Variants in WDR17 observed in about 807,000 individuals in gnomAD.
The protein encoded by WDR17 is WD repeat domain 17.
Under a neutral mutation model 161.7 loss-of-function variants are expected in WDR17, and 143 were observed. The observed-to-expected ratio is 0.88, with a 90% CI of 0.77 to 1.02. WDR17 has a LOEUF of 1.02. Ranked by LOEUF, WDR17 falls within the 50% of genes least tolerant of loss-of-function variation. The pLI is 0.00. For missense variants in WDR17, 1,469 were observed against 1,520.9 expected, an observed-to-expected ratio of 0.97 and a Z score of 0.57; for synonymous variants, 517 against 515.6, an observed-to-expected ratio of 1.00 and a Z score of -0.04.
chr4:176,115,243 G>T (rs1740413674), intron 2 of WDR17, among the ~76,000 whole-genome samples: 2 of 151,622 alleles, frequency 1.3e-5, no homozygotes, highest in African/African-American at 4.8e-5. Context: ...ACTTACAAAA[G>T]AAATAAGAAA....
At chr4:176,109,553 G>A (rs1480603136) in intron 1 of WDR17, among the ~76,000 whole-genome samples, 1 of 152,128 alleles carries the variant, frequency 6.6e-6, no homozygotes, top group African/African-American at 2.4e-5. Context: ...GATGAAGACA[G>A]AAAGAATTGG....
In WDR17 at chr4:176,137,621, AT is replaced by A; in HGVS notation, c.1359+13del. The A allele has an allele frequency of 6.6e-7, 1 of 1,507,072 alleles. No individual in the cohort carries two copies. Among genetic ancestry groups the A allele is most frequent in the Non-Finnish European group, 9.1e-7 (1 of 1,093,604 alleles). 93.4% of individuals were successfully genotyped at this position (1,507,072 alleles called of 1,614,324 possible). On this transcript the variant is annotated intron_variant, in intron 9 of 28. Coordinates refer to ENST00000508596, the MANE Select transcript of WDR17 (RefSeq NM_181265.4). ...ACAACGATTTAATGAGGTAAGATTT[AT>A]TTATTGCTACTGAATAATATAATGT...
intron 21 of WDR17, 52 bp downstream of exon 21, chr4:176,162,226 A>T: frequency 6.5e-7 from 1 of 1,527,726 alleles, no homozygotes; most frequent in Non-Finnish European, 9.0e-7. Context: ...TAGATATGTC[A>T]TGGTGTTTGA....
At position 176,120,085 on chromosome 4, in the gene WDR17, A is replaced by G; in HGVS notation, c.526A>G (p.Ile176Val). The change falls in exon 4 of 29, where the codon ATT becomes GTT. Residue 176 changes from isoleucine (I) to valine (V), a missense_variant. Ile to Val is a conservative substitution (Grantham distance 29). Coordinates refer to ENST00000508596, the MANE Select transcript of WDR17 (RefSeq NM_181265.4). ...VFGHIDGSLS[I>V]FHPGNKNQKH... Reference sequence around the variant, plus strand: ...TGGTCATATTGATGGAAGTCTATCAATTTTTCATCCAGGTAAGAATTTAAT... The same window carrying G: ...TGGTCATATTGATGGAAGTCTATCAGTTTTTCATCCAGGTAAGAATTTAAT... 1.9e-6 allele frequency: 3 copies of G among 1,612,998 alleles called. No individual in the cohort carries two copies. The highest frequency in any genetic ancestry group is 2.2e-5 in the East Asian group (1 of 44,844).
intron 7 of WDR17, among the ~76,000 whole-genome samples, chr4:176,133,158 GA>G (rs1301174958): frequency 7.7e-4 from 85 of 110,668 alleles, no homozygotes; most frequent in Admixed American, 5.1e-3. Context: ...ACCATTCGAA[GA>G]AAAAAAAAAC....
chr4:176,113,795 T>A (rs1222255228), intron 2 of WDR17, among the ~76,000 whole-genome samples: 1 of 152,040 alleles, frequency 6.6e-6, no homozygotes, highest in Non-Finnish European at 1.5e-5. Context: ...TTGTATTATA[T>A]TTTTCTGAAT....
intron 17 of WDR17, among the ~76,000 whole-genome samples, chr4:176,155,716 A>AATATATATATATATAT (rs113370958): frequency 0.024 from 3,126 of 129,946 alleles, 129 homozygotes; most frequent in African/African-American, 0.072. Flanking sequence ...GACTAATTAA[A>AATATATATATATATAT]ATATATATAT....
chr4:176,128,699 A>G, intron 5 of WDR17, 39 bp from the exon 6 acceptor site: 2 of 1,581,134 alleles, frequency 1.3e-6, no homozygotes, highest in Non-Finnish European at 1.7e-6. Flanking sequence ...AGTTTCATAC[A>G]AAACTTGTTA....
intron 21 of WDR17, 123 bp downstream of exon 21, chr4:176,162,297 G>A: frequency 2.9e-6 from 2 of 698,848 alleles, no homozygotes; most frequent in African/African-American, 1.8e-5. Flanking sequence ...CGAAGCCTGA[G>A]TAATTAAGTA....
At position 176,135,492 on chromosome 4, in the gene WDR17, C is replaced by G. The variant is rs28540340; in HGVS notation, c.1267+216C>G. ...TCCTGGTTTCCTCTATATAACAAGT[C>G]ATGTAGAAAAACCACAGTAAATCAG... On this transcript the variant is annotated intron_variant, in intron 8 of 28. Coordinates refer to ENST00000508596, the MANE Select transcript of WDR17 (RefSeq NM_181265.4). Among the ~76,000 whole-genome samples the G allele has an allele frequency of 8.6e-3, 1,300 of 151,626 alleles. 29 individuals are homozygous for G. The highest frequency in any genetic ancestry group is 0.029 in the African/African-American group (1,204 of 41,476).
At chr4:176,093,938 A>G (rs1736457915) in intron 1 of WDR17, among the ~76,000 whole-genome samples, 1 of 152,228 alleles carries the variant, frequency 6.6e-6, no homozygotes, top group Non-Finnish European at 1.5e-5. Flanking sequence ...AATATAATAA[A>G]TAGTGCTCAT....
intron 6 of WDR17, among the ~76,000 whole-genome samples, chr4:176,130,021 A>C (rs530636222): frequency 6.6e-6 from 1 of 152,320 alleles, no homozygotes; most frequent in East Asian, 1.9e-4. Context: ...CAGAAAATAC[A>C]AAGAATAACA....
chr4:176,116,091 T>C, intron 3 of WDR17, 112 bp downstream of exon 3: 1 of 1,061,614 alleles, frequency 9.4e-7, no homozygotes, highest in Non-Finnish European at 1.3e-6. Context: ...TTCTTAATGG[T>C]AATCTGTATA....
intron 1 of WDR17, among the ~76,000 whole-genome samples, chr4:176,082,374 TGTAA>T (rs1012131179): frequency 1.3e-5 from 2 of 152,122 alleles, no homozygotes; most frequent in South Asian, 2.1e-4. Flanking sequence ...TGAAGAAGGC[TGTAA>T]GTAATTGACA....
At chr4:176,147,978 T>C (rs948448187) in intron 12 of WDR17, among the ~76,000 whole-genome samples, 155 bp from the exon 13 acceptor site, 1 of 152,174 alleles carries the variant, frequency 6.6e-6, no homozygotes, top group African/African-American at 2.4e-5. Flanking sequence ...ACAATTATTA[T>C]TTTTTAAATT....
At chr4:176,116,080 C>A in intron 3 of WDR17, 101 bp downstream of exon 3, 1 of 1,172,642 alleles carries the variant, frequency 8.5e-7, no homozygotes, top group Non-Finnish European at 1.2e-6. Context: ...TGTTTTCAAA[C>A]TTCTTAATGG....
chr4:176,177,278 T>TA, intron 27 of WDR17, 122 bp downstream of exon 27: 1 of 1,012,884 alleles, frequency 9.9e-7, no homozygotes, highest in Admixed American at 2.4e-5. Flanking sequence ...TTGTTTGGCA[T>TA]ATATGCAGTA....
At chr4:176,072,550 A>G (rs1048837439) in intron 1 of WDR17, among the ~76,000 whole-genome samples, 1 of 152,234 alleles carries the variant, frequency 6.6e-6, no homozygotes, top group Non-Finnish European at 1.5e-5. Context: ...ATCTATCACA[A>G]TGAGAATAAT....
At chr4:176,170,274 C>A (rs913092405) in intron 23 of WDR17, among the ~76,000 whole-genome samples, 1 of 150,658 alleles carries the variant, frequency 6.6e-6, no homozygotes, top group African/African-American at 2.4e-5. Flanking sequence ...TTCCTATAAA[C>A]TTTACTAACA....
Sources: allele counts gnomAD v4.1 joint callset (sites outside exome capture counted in the v4.1 genomes callset), GRCh38; gene constraint gnomAD v4.1.1; transcripts MANE v1.5; gene names NCBI Gene and HGNC (gene_info 2026-07-23, HGNC 2026-07-21).